Variants in LDLRAD4 observed in about 807,000 individuals in gnomAD.
LDLRAD4 encodes the protein low density lipoprotein receptor class A domain containing 4, also known as low-density lipoprotein receptor class A domain-containing protein 4.
Under a neutral mutation model 17.0 loss-of-function variants are expected in LDLRAD4, and 5 were observed. The ratio of observed to expected loss-of-function variants is 0.29; its 90% CI spans 0.15 to 0.62. The LOEUF is 0.62. LDLRAD4 is among the 20% of genes least tolerant of loss of function. The pLI, the probability that LDLRAD4 is intolerant of heterozygous loss-of-function variation, is 0.84. For synonymous variants in LDLRAD4, 168 were observed against 171.8 expected, an observed-to-expected ratio of 0.98 and a Z score of 0.17; for missense variants, 340 against 424.7, an observed-to-expected ratio of 0.80 and a Z score of 1.75.
intron 3 of LDLRAD4, chr18:13,611,792 C>A: frequency 8.1e-6 from 8 of 985,480 alleles, no homozygotes; most frequent in Non-Finnish European, 9.6e-6. Flanking sequence ...AAGAGCGAGC[C>A]GGGGGGAAAG....
At chr18:13,482,137 A>C (rs1275230205) in intron 3 of LDLRAD4, among the ~76,000 whole-genome samples, 1 of 152,122 alleles carries the variant, frequency 6.6e-6, no homozygotes, top group East Asian at 1.9e-4. Context: ...CCCAGTGGGG[A>C]AGCCTGGCCT....
intron 3 of LDLRAD4, among the ~76,000 whole-genome samples, chr18:13,475,981 G>T (rs1039777467): frequency 6.6e-6 from 1 of 152,142 alleles, no homozygotes; most frequent in Non-Finnish European, 1.5e-5. Context: ...TTGGAACAGG[G>T]TGTTTGTCAG....
chr18:13,625,237 G>T (rs532547501), intron 4 of LDLRAD4, among the ~76,000 whole-genome samples: 2 of 152,324 alleles, frequency 1.3e-5, no homozygotes, highest in East Asian at 3.9e-4. Flanking sequence ...GAAGTGCTGG[G>T]CATTGAATTA....
At chr18:13,550,280 A>G (rs1179552545) in intron 3 of LDLRAD4, among the ~76,000 whole-genome samples, 1 of 152,228 alleles carries the variant, frequency 6.6e-6, no homozygotes, top group African/African-American at 2.4e-5. Flanking sequence ...GCTGACAGAC[A>G]CACACTTCAC....
chr18:13,374,595 A>G (rs1599758845), intron 1 of LDLRAD4, among the ~76,000 whole-genome samples: 1 of 152,170 alleles, frequency 6.6e-6, no homozygotes, highest in Non-Finnish European at 1.5e-5. Flanking sequence ...CTTTCCCAGA[A>G]CAGCCGTGCA....
At chr18:13,429,960 A>G (rs1423361635) in intron 2 of LDLRAD4, among the ~76,000 whole-genome samples, 4 of 152,122 alleles carry the variant, frequency 2.6e-5, no homozygotes, top group Non-Finnish European at 4.4e-5. Context: ...GGAGGCCGGT[A>G]TCCTGGGTCC....
chr18:13,415,806 T>G (rs1453702503), intron 2 of LDLRAD4, among the ~76,000 whole-genome samples: 1 of 152,178 alleles, frequency 6.6e-6, no homozygotes, highest in Non-Finnish European at 1.5e-5. Flanking sequence ...CCAGCAGGCA[T>G]CAGGGTGGGT....
At chr18:13,593,642 G>A (rs2095056421) in intron 3 of LDLRAD4, among the ~76,000 whole-genome samples, 1 of 152,112 alleles carries the variant, frequency 6.6e-6, no homozygotes, top group Admixed American at 6.5e-5. Flanking sequence ...AGCTAGCTAT[G>A]AGATAGGGGC....
rs180908147 is a variant in LDLRAD4 at position 13,437,281 on chromosome 18, C to T, written c.41-963C>T. On this transcript the variant is annotated intron_variant, in intron 2 of 5. Transcript: ENST00000359446. The stretch of plus-strand genomic sequence containing the variant: ...GACTCCTCCAGAGACTCTGTCTTCC[C>T]GCTGTGTACTGAGTGGGCCGTGCTG... Among the ~76,000 whole-genome samples, 14 of 152,324 alleles carry T rather than the reference C, an allele frequency of 9.2e-5. No homozygotes were observed. In the East Asian group the frequency reaches 9.6e-4, roughly 10 times the overall value.
intron 3 of LDLRAD4, among the ~76,000 whole-genome samples, chr18:13,524,773 C>T (rs1195290641): frequency 6.6e-6 from 1 of 152,186 alleles, no homozygotes; most frequent in Admixed American, 6.5e-5. Context: ...TGCAGGGTCC[C>T]CAGAATGGAA....
chr18:13,524,706 G>T (rs1349020922), intron 3 of LDLRAD4, among the ~76,000 whole-genome samples: 1 of 152,160 alleles, frequency 6.6e-6, no homozygotes, highest in Non-Finnish European at 1.5e-5. Context: ...GAGACAACCA[G>T]ATCATATGGA....
intron 2 of LDLRAD4, among the ~76,000 whole-genome samples, chr18:13,403,957 G>A (rs1174119963): frequency 2.6e-5 from 4 of 152,160 alleles, no homozygotes; most frequent in Non-Finnish European, 5.9e-5. Flanking sequence ...CACCCAGCCT[G>A]TAAGGAGGTG....
intron 1 of LDLRAD4, among the ~76,000 whole-genome samples, chr18:13,330,213 C>T (rs760795753): frequency 6.6e-6 from 1 of 152,184 alleles, no homozygotes; most frequent in East Asian, 1.9e-4. Flanking sequence ...CCTGCCTTGG[C>T]CTCCCAAAGT....
chr18:13,606,641 A>G (rs775683222), intron 3 of LDLRAD4, among the ~76,000 whole-genome samples: 4 of 152,250 alleles, frequency 2.6e-5, no homozygotes, highest in Non-Finnish European at 5.9e-5. Context: ...TAATGTCCAC[A>G]AATATCAAAC....
intron 2 of LDLRAD4, among the ~76,000 whole-genome samples, chr18:13,434,965 G>A (rs1215330781): frequency 1.3e-5 from 2 of 152,260 alleles, no homozygotes; most frequent in African/African-American, 4.8e-5. Flanking sequence ...CCTCAGGCCA[G>A]TGAGATAGGA....
chr18:13,551,939 C>T (rs1205451901), intron 3 of LDLRAD4, among the ~76,000 whole-genome samples: 1 of 152,034 alleles, frequency 6.6e-6, no homozygotes, highest in Admixed American at 6.5e-5. Flanking sequence ...AAAGGGGAGC[C>T]AGTGTGTCAC....
intron 1 of LDLRAD4, among the ~76,000 whole-genome samples, chr18:13,264,443 G>T (rs2044100006): frequency 6.6e-6 from 1 of 152,242 alleles, no homozygotes; most frequent in Admixed American, 6.5e-5. Context: ...GGAACGAATG[G>T]TTTCTGAAGT....
chr18:13,290,210 CT>C lies in LDLRAD4; in HGVS notation c.-383+12023del. 1.3e-5 allele frequency among the ~76,000 whole-genome samples: 2 copies of C among 152,318 alleles called. 1 individual carries two copies. Among genetic ancestry groups the C allele is most frequent in the South Asian group, 4.2e-4 (2 of 4,818 alleles). ...CTGTTTCCCCATAATTCTCAGGGTCCTCAGTGCCTTGATCCTTGAAGAGGAA... is the reference window on the plus strand; with the variant it reads ...CTGTTTCCCCATAATTCTCAGGGTCCCAGTGCCTTGATCCTTGAAGAGGAA... On this transcript the variant is annotated intron_variant, in intron 1 of 5. Coordinates refer to ENST00000359446, the Ensembl canonical transcript of LDLRAD4.
chr18:13,493,790 C>T (rs923498569), intron 3 of LDLRAD4, among the ~76,000 whole-genome samples: 2 of 152,276 alleles, frequency 1.3e-5, no homozygotes, highest in African/African-American at 4.8e-5. Flanking sequence ...GGGCACAGAA[C>T]AGCAGAGGGA....
Sources: gnomAD v4.1 joint callset for allele counts (sites outside exome capture counted in the v4.1 genomes callset) on GRCh38, gnomAD v4.1.1 for gene constraint, MANE v1.5 for transcripts, NCBI Gene and HGNC (gene_info 2026-07-23, HGNC 2026-07-21) for gene names.